MTOR: variants seen among roughly 807,000 people sequenced by gnomAD.
The protein encoded by MTOR is mechanistic target of rapamycin kinase, also known as serine/threonine-protein kinase mTOR.
MTOR carries 70 observed loss-of-function variants against 319.8 expected under a neutral mutation model. The ratio of observed to expected loss-of-function variants is 0.22; its 90% CI spans 0.18 to 0.27. The LOEUF (loss-of-function observed/expected upper bound fraction) is 0.27. Among genes scored for constraint, MTOR ranks in the 10% least tolerant of loss-of-function variants. The pLI is 1.00. For synonymous variants in MTOR, 1,183 were observed against 1,211.4 expected (o/e 0.98, Z 0.49); for missense variants, 1,890 against 3,274.4 (o/e 0.58, Z 10.32).
In MTOR at chr1:11,230,021, C is replaced by T. The variant is rs532314177; in HGVS notation, c.2779+904G>A. Among the ~76,000 whole-genome samples the T allele has an allele frequency of 4.6e-5, 7 of 151,910 alleles. No individual in the cohort carries two copies. The South Asian group carries it at 1.5e-3, about 32-fold the overall frequency. On this transcript the variant is annotated intron_variant, in intron 18 of 57. Transcript: ENST00000361445. ...CAATAAAAGGCAATGGGCAACAGAC[C>T]ACCAGAAATTATTCCACCTGTCTAA...
chr1:11,185,852 C>T (rs111451231), intron 28 of MTOR, among the ~76,000 whole-genome samples: 8,981 of 151,916 alleles, frequency 0.059, 373 homozygotes, highest in South Asian at 0.12. Flanking sequence ...GAGGCCGAGG[C>T]GGGTGGATCA....
At chr1:11,210,561 G>A (rs1366573800) in intron 24 of MTOR, among the ~76,000 whole-genome samples, 1 of 152,218 alleles carries the variant, frequency 6.6e-6, no homozygotes, top group African/African-American at 2.4e-5. Context: ...ATCAAATTTA[G>A]GTGTCCATAA....
chr1:11,152,623 G>T (rs542026805), intron 30 of MTOR, among the ~76,000 whole-genome samples: 30 of 152,188 alleles, frequency 2.0e-4, no homozygotes, highest in Non-Finnish European at 3.7e-4. Context: ...GGCAGGGCAG[G>T]GGGTGCGGGT....
chr1:11,213,413 T>G lies in MTOR; in HGVS notation c.3271A>C (p.Ile1091Leu). 1.2e-6 allele frequency: 2 copies of G among 1,612,240 alleles called. No homozygotes were observed. Among genetic ancestry groups the G allele is most frequent in the Non-Finnish European group, 1.7e-6 (2 of 1,179,790 alleles). Residue 1091 changes from isoleucine to leucine, a missense_variant, in exon 21 of 58, where the codon ATT becomes CTT. Ile to Leu is a conservative substitution (Grantham distance 5). Transcript: ENST00000361445. ...VFMHDNSPGR[I>L]VSIKLLAAIQ... The stretch of plus-strand genomic sequence containing the variant: ...AGGCTACTCACCTTGATAGAGACAA[T>G]GCGGCCTGGGCTGTTGTCATGCATG...
intron 28 of MTOR, among the ~76,000 whole-genome samples, chr1:11,188,910 G>A (rs1012938200): frequency 6.6e-6 from 1 of 152,188 alleles, no homozygotes; most frequent in Non-Finnish European, 1.5e-5. Flanking sequence ...TATTCAGCAG[G>A]ATGTCAAAAT....
At chr1:11,144,256 C>G (rs1643847307) in intron 34 of MTOR, among the ~76,000 whole-genome samples, 1 of 152,044 alleles carries the variant, frequency 6.6e-6, no homozygotes, top group Admixed American at 6.6e-5. Context: ...TGAGTCTCTC[C>G]CCAGAAATTT....
chr1:11,216,106 G>T, intron 20 of MTOR, 42 bp downstream of exon 20: 4 of 1,479,034 alleles, frequency 2.7e-6, no homozygotes, highest in South Asian at 2.3e-5. Flanking sequence ...AGCCTTCCTT[G>T]ACCCAAACAT....
At chr1:11,216,365 A>T in intron 19 of MTOR, 131 bp from the exon 20 acceptor site, 1 of 598,156 alleles carries the variant, frequency 1.7e-6, no homozygotes, top group Non-Finnish European at 2.9e-6. Context: ...TACTGAGAAT[A>T]TATTTCAAAG....
intron 28 of MTOR, chr1:11,192,383 C>T: frequency 3.8e-6 from 6 of 1,584,678 alleles, no homozygotes; most frequent in Non-Finnish European, 5.2e-6. Context: ...GAGGTCATTA[C>T]AGTCACTGGC....
Position 11,109,201 on chromosome 1 carries a change from C to T in MTOR, c.7528+89G>A, listed in dbSNP as rs1478313799. 8.5e-7 allele frequency: 1 copy of T among 1,175,730 alleles called. No individual in the cohort carries two copies. The highest frequency in any genetic ancestry group is 2.1e-5 in the Admixed American group (1 of 47,966). 72.8% of individuals were successfully genotyped at this position (1,175,730 alleles called of 1,614,324 possible). On this transcript the variant is annotated intron_variant, in intron 56 of 57. Transcript: ENST00000361445. The surrounding 1 kb of genome is among the most constrained non-coding windows in gnomAD (Gnocchi z 4.0). The stretch of plus-strand genomic sequence containing the variant: ...GCATGGTGCCAAAGCTCGTCACTAA[C>T]ACCACTGGACATGGGGCTGACCACC...
chr1:11,174,618 G>A (rs1032153764), intron 28 of MTOR, among the ~76,000 whole-genome samples: 22 of 152,184 alleles, frequency 1.4e-4, no homozygotes, highest in African/African-American at 4.3e-4. Context: ...ATACAAAGCC[G>A]TCCTTTGAAT....
chr1:11,107,676 C>T (rs12117208), intron 57 of MTOR, among the ~76,000 whole-genome samples, 176 bp from the exon 58 acceptor site: 8 of 152,170 alleles, frequency 5.3e-5, no homozygotes, highest in South Asian at 2.1e-4. Flanking sequence ...TAATGCCCAC[C>T]GAGGTCCCGC....
chr1:11,194,632 T>C (rs767116119), intron 28 of MTOR: 1 of 1,614,184 alleles, frequency 6.2e-7, no homozygotes, highest in Non-Finnish European at 8.5e-7. Context: ...TGACAACTGC[T>C]TGGACAAGTG....
rs145797404 is a variant in MTOR at position 11,106,686 on chromosome 1, A to T, written c.*799T>A. 5.2e-6 allele frequency: 6 copies of T among 1,160,352 alleles called. No individual in the cohort carries two copies. In the African/African-American group the frequency reaches 9.3e-5, roughly 18 times the overall value. 71.9% of individuals were successfully genotyped at this position (1,160,352 alleles called of 1,614,324 possible). ...TATGTACCAGACCTTCCCTGTGTTC[A>T]GCACCTCCATGACAGTATTTCTGTT... On this transcript the variant is annotated 3_prime_UTR_variant, in exon 58 of 58. Transcript: ENST00000361445.
intron 26 of MTOR, among the ~76,000 whole-genome samples, chr1:11,202,460 A>G (rs910951063): frequency 4.0e-5 from 6 of 151,674 alleles, no homozygotes; most frequent in African/African-American, 1.5e-4. Flanking sequence ...ATTTAAAACA[A>G]TATTTTTTTT....
At position 11,121,990 on chromosome 1, in the gene MTOR, T is replaced by C; in HGVS notation, c.6799A>G (p.Ile2267Val). ...KKILLNIEHR[I>V]MLRMAPDYDH... ...GCCGCATCACATACCCGCAACATGA[T>C]GCGATGCTCGATGTTGAGAAGGATC... The change falls in exon 48 of 58, where the codon ATC becomes GTC. Residue 2267 changes from isoleucine (I) to valine (V), a missense_variant. By Grantham distance (29) the Ile-to-Val change is conservative (BLOSUM62 3). Transcript: ENST00000361445. This position sits in a 1 kb window ranked among gnomAD's most constrained non-coding sequence, Gnocchi z 4.9. 2 of 1,614,118 alleles carry C rather than the reference T, an allele frequency of 1.2e-6. No individual in the cohort carries two copies. Among genetic ancestry groups the C allele is most frequent in the Non-Finnish European group, 1.7e-6 (2 of 1,179,976 alleles).
Position 11,167,486 on chromosome 1 carries a change from C to A in MTOR, c.4285G>T (p.Ala1429Ser). ...INNKLQQPEA[A>S]AGVLEYAMKH... Reference sequence around the variant, plus strand: ...ATGGCATATTCTAACACTCCGGCCGCTGCCTCCGGCTGCTGTAGCTTATTA... The same window carrying A: ...ATGGCATATTCTAACACTCCGGCCGATGCCTCCGGCTGCTGTAGCTTATTA... The change falls in exon 29 of 58, where the codon GCG (alanine) becomes TCG (serine). Residue 1429 changes from alanine (A) to serine (S), a missense_variant. Ala to Ser is a moderately conservative substitution (Grantham distance 99). Transcript: ENST00000361445. 6.2e-7 allele frequency: 1 copy of A among 1,613,266 alleles called. No homozygotes were observed. Among genetic ancestry groups the A allele is most frequent in the Non-Finnish European group, 8.5e-7 (1 of 1,179,912 alleles).
intron 19 of MTOR, among the ~76,000 whole-genome samples, chr1:11,224,433 A>G (rs920769388): frequency 6.6e-6 from 1 of 152,226 alleles, no homozygotes; most frequent in African/African-American, 2.4e-5. Flanking sequence ...TACATAAAAC[A>G]AGATTGACTA....
At chr1:11,175,891 G>A (rs1413049563) in intron 28 of MTOR, among the ~76,000 whole-genome samples, 6 of 152,028 alleles carry the variant, frequency 3.9e-5, no homozygotes, top group South Asian at 2.1e-4. Context: ...TTACAGGTGC[G>A]CGCCACTACT....
Sources: allele counts gnomAD v4.1 joint callset (sites outside exome capture counted in the v4.1 genomes callset), GRCh38; gene constraint gnomAD v4.1.1; non-coding constraint Gnocchi (gnomAD v3.1); transcripts MANE v1.5; gene names NCBI Gene and HGNC (gene_info 2026-07-23, HGNC 2026-07-21).